The following MARCHF7 variants were observed in gnomAD, a reference collection of about 807,000 sequenced individuals.
MARCHF7 encodes the protein E3 ubiquitin-protein ligase MARCHF7.
MARCHF7 carries 20 observed loss-of-function variants against 76.5 expected under a neutral mutation model. The observed-to-expected ratio is 0.26, with a 90% CI of 0.18 to 0.38. The LOEUF (loss-of-function observed/expected upper bound fraction) is 0.38, where lower values mean the gene tolerates loss of function less well. Among genes scored for constraint, MARCHF7 ranks in the 10% least tolerant of loss-of-function variants. MARCHF7 has a pLI of 1.00. For missense variants in MARCHF7, 797 were observed against 812.9 expected, an observed-to-expected ratio of 0.98 and a Z score of 0.24; for synonymous variants, 295 against 293.0, an observed-to-expected ratio of 1.01 and a Z score of -0.07.
intron 11 of MARCHF7, among the ~76,000 whole-genome samples, chr2:159,766,796 T>G (rs1291515603): frequency 6.6e-6 from 1 of 152,218 alleles, no homozygotes; most frequent in Admixed American, 6.5e-5. Context: ...CTTGGCATTG[T>G]ATAGACATAG....
At position 159,729,106 on chromosome 2, in the gene MARCHF7, C is replaced by A. The variant is rs140055725; in HGVS notation, c.84C>A (p.Ser28Arg). The change falls in exon 4 of 12, where the codon AGC becomes AGA. Residue 28 changes from serine (S) to arginine (R), a missense_variant. Coordinates refer to ENST00000409175, the MANE Select transcript of MARCHF7 (RefSeq NM_001282805.2). Reference sequence around the variant, plus strand: ...TAAGTGCTAGGATGATGTCTGGAAGCAGAGGAAGTAGTTTAAATGATACCT... The same window carrying A: ...TAAGTGCTAGGATGATGTCTGGAAGAAGAGGAAGTAGTTTAAATGATACCT... The part of the protein sequence containing the change: ...SSLSARMMSG[S>R]RGSSLNDTYH... The A allele has an allele frequency of 3.2e-4, 519 of 1,610,984 alleles. No individual in the cohort carries two copies. Among genetic ancestry groups the A allele is most frequent in the Non-Finnish European group, 4.2e-4 (498 of 1,178,748 alleles).
chr2:159,766,322 T>C (rs1346187433), intron 11 of MARCHF7, among the ~76,000 whole-genome samples: 2 of 152,222 alleles, frequency 1.3e-5, no homozygotes, highest in Non-Finnish European at 2.9e-5. Context: ...GACTTAGTTA[T>C]ATGCTTTGTC....
chr2:159,721,208 C>T (rs1229608158), intron 3 of MARCHF7, among the ~76,000 whole-genome samples: 2 of 152,012 alleles, frequency 1.3e-5, no homozygotes, highest in Non-Finnish European at 2.9e-5. Flanking sequence ...TTTTGGAGTC[C>T]ACCTTATTGT....
intron 4 of MARCHF7, chr2:159,733,951 T>A: frequency 2.4e-6 from 3 of 1,265,976 alleles, no homozygotes; most frequent in Non-Finnish European, 3.0e-6. Context: ...TAAATATCTT[T>A]CAGTTCTCAG....
chr2:159,752,457 A>G lies in MARCHF7; in HGVS notation c.1669A>G (p.Met557Val), dbSNP rs1253950157. 3.1e-6 allele frequency: 5 copies of G among 1,605,322 alleles called. No individual in the cohort carries two copies. Among genetic ancestry groups the G allele is most frequent in the African/African-American group, 2.7e-5 (2 of 74,520 alleles). Residue 557 changes from methionine to valine, a missense_variant, in exon 8 of 12, where the codon ATG (methionine) becomes GTG (valine). Coordinates refer to ENST00000409175, the MANE Select transcript of MARCHF7 (RefSeq NM_001282805.2). Reference sequence around the variant, plus strand: ...AGGTGACTTATGTAGAATTTGTCAAATGGCAGCTGCATCATCATCTAATTT... The same window carrying G: ...AGGTGACTTATGTAGAATTTGTCAAGTGGCAGCTGCATCATCATCTAATTT... ...EEGDLCRICQMAAASSSNLLI... is the reference protein window; with the variant it reads ...EEGDLCRICQVAAASSSNLLI...
At chr2:159,759,914 T>C (rs1706816779) in intron 9 of MARCHF7, among the ~76,000 whole-genome samples, 1 of 152,048 alleles carries the variant, frequency 6.6e-6, no homozygotes, top group African/African-American at 2.4e-5. Flanking sequence ...CTCAGCAACA[T>C]AGCAAGACCC....
At chr2:159,749,110 C>T (rs1431774556) in intron 7 of MARCHF7, among the ~76,000 whole-genome samples, 1 of 151,102 alleles carries the variant, frequency 6.6e-6, no homozygotes, top group Non-Finnish European at 1.5e-5. Flanking sequence ...TCCCGAGTAG[C>T]TGGGACTACA....
chr2:159,726,928 G>A (rs1251903275), intron 3 of MARCHF7, among the ~76,000 whole-genome samples: 1 of 152,164 alleles, frequency 6.6e-6, no homozygotes, highest in African/African-American at 2.4e-5. Flanking sequence ...ATTCAGTACA[G>A]GAACATGCTG....
intron 11 of MARCHF7, among the ~76,000 whole-genome samples, chr2:159,765,365 G>T (rs987528633): frequency 8.6e-5 from 13 of 152,044 alleles, no homozygotes; most frequent in African/African-American, 2.9e-4. Flanking sequence ...CATCTATACA[G>T]CCTACCCTCT....
At position 159,764,266 on chromosome 2, in the gene MARCHF7, A is replaced by G. The variant is rs536600373; in HGVS notation, c.2008-360A>G. 5.4e-4 allele frequency among the ~76,000 whole-genome samples: 73 copies of G among 135,378 alleles called. 1 individual carries two copies. Among genetic ancestry groups the G allele is most frequent in the African/African-American group, 2.1e-3 (70 of 34,072 alleles). 88.8% of individuals were successfully genotyped at this position (135,378 alleles called of 152,430 possible). ...TGTGTGTGTGTGTGTGCGCGCGCCC[A>G]CTGAAACTGAATTTATTTGGGTCCA... On this transcript the variant is annotated intron_variant, in intron 10 of 11. Coordinates refer to ENST00000409175, the MANE Select transcript of MARCHF7 (RefSeq NM_001282805.2).
chr2:159,718,437 T>G (rs1434831303), intron 3 of MARCHF7, among the ~76,000 whole-genome samples: 1 of 152,180 alleles, frequency 6.6e-6, no homozygotes, highest in African/African-American at 2.4e-5. Flanking sequence ...GAGGCATTTT[T>G]GTTAGACTGG....
intron 9 of MARCHF7, among the ~76,000 whole-genome samples, chr2:159,761,102 G>C (rs574384862): frequency 3.4e-5 from 5 of 147,556 alleles, no homozygotes; most frequent in African/African-American, 1.0e-4. Flanking sequence ...CTCAGCTCAC[G>C]ACAACCTCTG....
In MARCHF7 at chr2:159,748,968, TTTTTC is replaced by T. The variant is rs1183876519; in HGVS notation, c.1613+75_1613+79del. The T allele has an allele frequency of 1.1e-3, 1,450 of 1,289,166 alleles. 21 individuals are homozygous for T. Among genetic ancestry groups the T allele is most frequent in the South Asian group, 2.7e-3 (154 of 56,800 alleles). 79.9% of individuals were successfully genotyped at this position (1,289,166 alleles called of 1,614,324 possible). Reference sequence around the variant, plus strand: ...TAGAGAAAGAACTCTTCATTTCTTTTTTTTCTTTTCTTTTTTTTTTTTTTTTTTGA... The same window carrying T: ...TAGAGAAAGAACTCTTCATTTCTTTTTTTTCTTTTTTTTTTTTTTTTTTGA... On this transcript the variant is annotated intron_variant, in intron 7 of 11. Coordinates refer to ENST00000409175, the MANE Select transcript of MARCHF7 (RefSeq NM_001282805.2).
chr2:159,729,966 A>T (rs1702588569), intron 4 of MARCHF7, among the ~76,000 whole-genome samples: 1 of 152,224 alleles, frequency 6.6e-6, no homozygotes, highest in Non-Finnish European at 1.5e-5. Flanking sequence ...GAAAGTGCTA[A>T]AAGTCTTTTA....
At chr2:159,723,092 A>G (rs1438041354) in intron 3 of MARCHF7, among the ~76,000 whole-genome samples, 1 of 152,250 alleles carries the variant, frequency 6.6e-6, no homozygotes, top group East Asian at 1.9e-4. Context: ...GTGTCTTCAT[A>G]GCTGCCTTGA....
chr2:159,733,044 A>G, intron 4 of MARCHF7: 1 of 604,282 alleles, frequency 1.7e-6, no homozygotes. Context: ...AATTATTTAT[A>G]ATTGTTATTT....
At chr2:159,712,799 T>TCCGGGGCCA (rs1164200675) in intron 1 of MARCHF7, 193 bp downstream of exon 1, 1 of 152,576 alleles carries the variant, frequency 6.6e-6, no homozygotes, top group South Asian at 2.1e-4. Context: ...AGAAGCTTGG[T>TCCGGGGCCA]CCGGGGCCAC....
chr2:159,727,810 CAA>C (rs1369414942), intron 3 of MARCHF7, among the ~76,000 whole-genome samples: 3 of 152,132 alleles, frequency 2.0e-5, no homozygotes, highest in African/African-American at 4.8e-5. Context: ...AAGTTGGACA[CAA>C]AAGAGTACTT....
At position 159,770,889 on chromosome 2, in the gene MARCHF7, C is replaced by T. The variant is rs1708124982; in HGVS notation, c.*3547C>T. On this transcript the variant is annotated 3_prime_UTR_variant, in exon 12 of 12. Transcript: ENST00000409175. ...CTAATTTACGTGAAATTTATACATT[C>T]TTTATCTTTCCTGTTTTTGGTTTAT... 6.6e-6 allele frequency: 1 copy of T among 152,072 alleles called. No individual in the cohort carries two copies. Among genetic ancestry groups the T allele is most frequent in the South Asian group, 2.1e-4 (1 of 4,830 alleles). 9.4% of individuals were successfully genotyped at this position (152,072 alleles called of 1,614,324 possible).
Sources: gnomAD v4.1 joint callset for allele counts (sites outside exome capture counted in the v4.1 genomes callset) on GRCh38, gnomAD v4.1.1 for gene constraint, MANE v1.5 for transcripts, NCBI Gene and HGNC (gene_info 2026-07-23, HGNC 2026-07-21) for gene names.